Variants in CCNA2 observed in about 807,000 individuals in gnomAD.
CCNA2 encodes cyclin A2.
A neutral mutation model predicts 49.4 loss-of-function variants in CCNA2; 3 were observed. The ratio of observed to expected loss-of-function variants is 0.06; its 90% CI spans 0.03 to 0.16. CCNA2 has a LOEUF of 0.16. Ranked by LOEUF, CCNA2 falls within the 10% of genes least tolerant of loss-of-function variation. CCNA2 has a pLI of 1.00. For missense variants in CCNA2, 372 were observed against 519.7 expected (o/e 0.72, Z 2.76); for synonymous variants, 206 against 197.2 (o/e 1.04, Z -0.37).
intron 1 of CCNA2, 65 bp downstream of exon 1, chr4:121,823,351 G>T: frequency 6.6e-7 from 1 of 1,507,022 alleles, no homozygotes; most frequent in Non-Finnish European, 8.9e-7. Flanking sequence ...ACTCTTCTCT[G>T]CCTGCTAAGC....
At position 121,816,524 on chromosome 4, in the gene CCNA2, C is replaced by T. The variant is rs1243711851; in HGVS notation, c.*1114G>A. The T allele has an allele frequency of 2.1e-6, 2 of 957,504 alleles. No individual in the cohort carries two copies. Among genetic ancestry groups the T allele is most frequent in the African/African-American group, 1.7e-5 (1 of 59,546 alleles). The allele number at this position is 957,504 out of a possible 1,614,324, so 59.3% of individuals were successfully genotyped here. On this transcript the variant is annotated 3_prime_UTR_variant, in exon 8 of 8. Coordinates refer to ENST00000274026, the MANE Select transcript of CCNA2 (RefSeq NM_001237.5). ...GAGGTTTGCTCTCTGGTTTTACTCT[C>T]ATCTTGCCACATGACTATAAACAAA... is the stretch of plus-strand genomic sequence containing the variant.
At chr4:121,817,970 A>T in intron 7 of CCNA2, 74 bp downstream of exon 7, 2 of 1,426,448 alleles carry the variant, frequency 1.4e-6, no homozygotes, top group Non-Finnish European at 1.9e-6. Context: ...AGATTCATGA[A>T]TAAGGTTAAA....
In CCNA2 at chr4:121,817,619, C is replaced by G. The variant is rs1157674586; in HGVS notation, c.*19G>C. 1.9e-6 allele frequency: 3 copies of G among 1,613,250 alleles called. No individual in the cohort carries two copies. The highest frequency in any genetic ancestry group is 2.5e-6 in the Non-Finnish European group (3 of 1,179,690). On this transcript the variant is annotated 3_prime_UTR_variant, in exon 8 of 8. Coordinates refer to ENST00000274026, the MANE Select transcript of CCNA2 (RefSeq NM_001237.5). ...TTTGAGTGATTTACATCTTAGAAAA[C>G]AAAGGCAGTCTTTCATTGTTACAGA...
At position 121,823,702 on chromosome 4, in the gene CCNA2, C is replaced by G; in HGVS notation, c.-74G>C. ...CGTGCACTCTGCCCAGCCGACCACTCGCACCGACCCGGCCAAAGAATAGTC... is the reference window on the plus strand; with the variant it reads ...CGTGCACTCTGCCCAGCCGACCACTGGCACCGACCCGGCCAAAGAATAGTC... On this transcript the variant is annotated 5_prime_UTR_variant, in exon 1 of 8. Coordinates refer to ENST00000274026, the MANE Select transcript of CCNA2 (RefSeq NM_001237.5). 1 of 1,472,426 alleles carries G rather than the reference C, an allele frequency of 6.8e-7. No homozygotes were observed. Among genetic ancestry groups the G allele is most frequent in the Non-Finnish European group, 9.0e-7 (1 of 1,113,162 alleles). The allele number at this position is 1,472,426 out of a possible 1,614,324, so 91.2% of individuals were successfully genotyped here.
Position 121,820,388 on chromosome 4 carries a change from T to A in CCNA2, c.794+154A>T, listed in dbSNP as rs1724663047. 6.3e-6 allele frequency: 1 copy of A among 158,230 alleles called. No homozygotes were observed. Among genetic ancestry groups the A allele is most frequent in the Non-Finnish European group, 1.4e-5 (1 of 73,606 alleles). The allele number at this position is 158,230 out of a possible 1,614,324, so 9.8% of individuals were successfully genotyped here. ...AGTGTTCTAGATTAGAACAGTTTCA[T>A]CCTCCTCCACTGCCCTAAGCCCCAG... On this transcript the variant is annotated intron_variant, in intron 4 of 7. Coordinates refer to ENST00000274026, the MANE Select transcript of CCNA2 (RefSeq NM_001237.5). This position sits in a 1 kb window ranked among gnomAD's most constrained non-coding sequence, Gnocchi z 4.1.
chr4:121,823,193 T>C (rs2149043555), intron 1 of CCNA2, among the ~76,000 whole-genome samples: 1 of 152,120 alleles, frequency 6.6e-6, no homozygotes, highest in East Asian at 1.9e-4. Context: ...ATGCCCCCTA[T>C]AGAGAGCAGA....
intron 6 of CCNA2, 99 bp from the exon 7 acceptor site, chr4:121,818,276 A>T: frequency 9.4e-7 from 1 of 1,066,254 alleles, no homozygotes. Context: ...TTCCAGTACT[A>T]ATCTTTAACT....
rs890847243 is a variant in CCNA2, at chr4:121,823,736, C to T, written c.-108G>A. On this transcript the variant is annotated 5_prime_UTR_variant, in exon 1 of 8. Coordinates refer to ENST00000274026, the MANE Select transcript of CCNA2 (RefSeq NM_001237.5). Reference sequence around the variant, plus strand: ...CCGGCCAAAGAATAGTCGTAGCCGCCGGTCGCAGCCCAGGCCAGCCTACCA... The same window carrying T: ...CCGGCCAAAGAATAGTCGTAGCCGCTGGTCGCAGCCCAGGCCAGCCTACCA... 4.1e-6 allele frequency: 6 copies of T among 1,448,420 alleles called. No individual in the cohort carries two copies. In the Admixed American group the frequency reaches 1.5e-4, roughly 37 times the overall value. 89.7% of individuals were successfully genotyped at this position (1,448,420 alleles called of 1,614,324 possible).
intron 6 of CCNA2, 63 bp downstream of exon 6, chr4:121,818,737 A>T: frequency 9.8e-7 from 1 of 1,019,304 alleles, no homozygotes; most frequent in East Asian, 2.4e-5. Context: ...TAGGACAATT[A>T]TTATTTAATC....
Position 121,817,070 on chromosome 4 carries a change from C to A in CCNA2, c.*568G>T. On this transcript the variant is annotated 3_prime_UTR_variant, in exon 8 of 8. Coordinates refer to ENST00000274026, the MANE Select transcript of CCNA2 (RefSeq NM_001237.5). ...TAAGCTTCCCACCCTCTTCCACTCC[C>A]AACCTCTGTTGAGTTTACCTCGCAA... 2 of 498,956 alleles carry A rather than the reference C, an allele frequency of 4.0e-6. No individual in the cohort carries two copies. Among genetic ancestry groups the A allele is most frequent in the Non-Finnish European group, 3.5e-6 (1 of 288,344 alleles). The allele number at this position is 498,956 out of a possible 1,614,324, so 30.9% of individuals were successfully genotyped here.
Position 121,817,472 on chromosome 4 carries a change from A to G in CCNA2, c.*166T>C. 1 of 736,456 alleles carries G rather than the reference A, an allele frequency of 1.4e-6. No homozygotes were observed. Among genetic ancestry groups the G allele is most frequent in the Non-Finnish European group, 2.1e-6 (1 of 475,580 alleles). The allele number at this position is 736,456 out of a possible 1,614,324, so 45.6% of individuals were successfully genotyped here. A position where few individuals can be genotyped will look rare whatever the true frequency, so the allele number is the denominator to read the frequency against. On this transcript the variant is annotated 3_prime_UTR_variant, in exon 8 of 8. Transcript: ENST00000274026. ...TATCTAAGACAGATACATATACAAA[A>G]GATATACAAATTAAAACCATTTAAA...
In CCNA2 at chr4:121,816,618, A is replaced by G. The variant is rs1724524454; in HGVS notation, c.*1020T>C. The G allele has an allele frequency of 6.0e-6, 5 of 837,208 alleles. No homozygotes were observed. Among genetic ancestry groups the G allele is most frequent in the Non-Finnish European group, 8.9e-6 (5 of 559,494 alleles). The allele number at this position is 837,208 out of a possible 1,614,324, so 51.9% of individuals were successfully genotyped here. ...TTTTACCTTGTGATTTATAAAAATT[A>G]GGACCTAAATCTATAATATAAACTT... On this transcript the variant is annotated 3_prime_UTR_variant, in exon 8 of 8. Transcript: ENST00000274026.
chr4:121,816,532 C>CGCA lies in CCNA2; in HGVS notation c.*1105_*1106insTGC. Reference sequence around the variant, plus strand: ...CTCTCTGGTTTTACTCTCATCTTGCCACATGACTATAAACAAAAAGACATC... The same window carrying CGCA: ...CTCTCTGGTTTTACTCTCATCTTGCCGCAACATGACTATAAACAAAAAGACATC... On this transcript the variant is annotated 3_prime_UTR_variant, in exon 8 of 8. Transcript: ENST00000274026. 1.1e-6 allele frequency: 1 copy of CGCA among 928,452 alleles called. No individual in the cohort carries two copies. Among genetic ancestry groups the CGCA allele is most frequent in the South Asian group, 1.8e-5 (1 of 54,744 alleles). 57.5% of individuals were successfully genotyped at this position (928,452 alleles called of 1,614,324 possible).
At chr4:121,819,325 AATT>A in intron 5 of CCNA2, 44 bp downstream of exon 5, 1 of 1,432,638 alleles carries the variant, frequency 7.0e-7, no homozygotes. Context: ...GCTTACCCCT[AATT>A]ATTACCAAAG....
At chr4:121,819,907 C>A (rs914474328) in intron 4 of CCNA2, among the ~76,000 whole-genome samples, 33 of 150,226 alleles carry the variant, frequency 2.2e-4, no homozygotes, top group Non-Finnish European at 2.4e-4. Context: ...AAACATGTTT[C>A]ATGTTTTCAT....
In CCNA2 at chr4:121,822,520, G is replaced by T. The variant is rs1402012627; in HGVS notation, c.340C>A (p.Pro114Thr). The T allele has an allele frequency of 6.2e-7, 1 of 1,614,124 alleles. No individual in the cohort carries two copies. Among genetic ancestry groups the T allele is most frequent in the Non-Finnish European group, 8.5e-7 (1 of 1,180,038 alleles). ...CGCTCTATTTTTTGAGATTCAGCTG[G>T]CTTCTTCTGAGCTTCTTTTTCTGCT... ...DEAEKEAQKK[P>T]AESQKIERED... The change falls in exon 2 of 8, where the codon CCA becomes ACA. Residue 114 changes from proline (P) to threonine (T), a missense_variant. This residue lies in a region of CCNA2 where 217 missense variants were observed against 231.7 expected (regional missense o/e 0.94). Coordinates refer to ENST00000274026, the MANE Select transcript of CCNA2 (RefSeq NM_001237.5).
chr4:121,818,106 C>G lies in CCNA2; in HGVS notation c.1188G>C (p.Gln396His). 6.2e-7 allele frequency: 1 copy of G among 1,613,744 alleles called. No individual in the cohort carries two copies. The highest frequency in any genetic ancestry group is 8.5e-7 in the Non-Finnish European group (1 of 1,179,670). Reference protein sequence around the residue: ...SLKPCLMDLHQTYLKAPQHAQ... With the variant: ...SLKPCLMDLHHTYLKAPQHAQ... ...CATGCTGTGGTGCTTTGAGGTAGGT[C>G]TGGTGAAGGTCCATGAGACAAGGCT... The change falls in exon 7 of 8, where the codon CAG (glutamine) becomes CAC (histidine). Residue 396 changes from glutamine to histidine, a missense_variant. Gln to His is a conservative substitution (Grantham distance 24). This residue lies in a region of CCNA2 where 155 missense variants were observed against 288.1 expected (regional missense o/e 0.54). Transcript: ENST00000274026.
At chr4:121,818,584 T>C (rs1462391564) in intron 6 of CCNA2, among the ~76,000 whole-genome samples, 1 of 152,198 alleles carries the variant, frequency 6.6e-6, no homozygotes, top group East Asian at 1.9e-4. Flanking sequence ...ATCCCCTGAA[T>C]ACTGTAGTTT....
Position 121,820,084 on chromosome 4 carries a change from G to A in CCNA2, c.794+458C>T, listed in dbSNP as rs886141805. Among the ~76,000 whole-genome samples the A allele has an allele frequency of 3.3e-5, 5 of 151,702 alleles. No individual in the cohort carries two copies. The highest frequency in any genetic ancestry group is 5.9e-5 in the Non-Finnish European group (4 of 67,942). Reference sequence around the variant, plus strand: ...GCCTCCCTAGTAGCTGAGATTACAGGCATGCATCACCATGCCCAGCTAATT... The same window carrying A: ...GCCTCCCTAGTAGCTGAGATTACAGACATGCATCACCATGCCCAGCTAATT... On this transcript the variant is annotated intron_variant, in intron 4 of 7. Coordinates refer to ENST00000274026, the MANE Select transcript of CCNA2 (RefSeq NM_001237.5). This position sits in a 1 kb window ranked among gnomAD's most constrained non-coding sequence, Gnocchi z 4.1.
Sources: allele counts gnomAD v4.1 joint callset (sites outside exome capture counted in the v4.1 genomes callset), GRCh38; gene constraint gnomAD v4.1.1; regional missense constraint gnomAD v4.1.1; non-coding constraint Gnocchi (gnomAD v3.1); transcripts MANE v1.5; gene names NCBI Gene and HGNC (gene_info 2026-07-23, HGNC 2026-07-21).